IMMP2L: variants seen among roughly 807,000 people sequenced by gnomAD.
The protein encoded by IMMP2L is mitochondrial inner membrane protease subunit 2.
Under a neutral mutation model 19.3 loss-of-function variants are expected in IMMP2L, and 18 were observed. The ratio of observed to expected loss-of-function variants is 0.93; its 90% CI spans 0.64 to 1.38. The LOEUF is 1.38. IMMP2L is among the 40% of genes most tolerant of loss of function. IMMP2L has a pLI of 0.00. For missense variants in IMMP2L, 233 were observed against 218.2 expected (o/e 1.07, Z -0.43); for synonymous variants, 76 against 73.0 (o/e 1.04, Z -0.21).
chr7:111,026,628 A>C (rs1448826084), intron 3 of IMMP2L, among the ~76,000 whole-genome samples: 1 of 152,168 alleles, frequency 6.6e-6, no homozygotes, highest in African/African-American at 2.4e-5. Context: ...GTTCAGAAAA[A>C]CATAAATTAG....
intron 3 of IMMP2L, among the ~76,000 whole-genome samples, chr7:111,390,350 A>T: frequency 6.6e-6 from 1 of 152,078 alleles, no homozygotes; most frequent in East Asian, 1.9e-4. Context: ...TCCTTTCCCC[A>T]GGGATGATCC....
intron 3 of IMMP2L, chr7:111,124,545 T>C (rs1801057556): frequency 6.2e-7 from 1 of 1,613,622 alleles, no homozygotes; most frequent in Non-Finnish European, 8.5e-7. Context: ...AGTATAAAAT[T>C]TGTATTGATA....
At chr7:111,063,276 T>C (rs1648941090) in intron 3 of IMMP2L, among the ~76,000 whole-genome samples, 2 of 152,200 alleles carry the variant, frequency 1.3e-5, no homozygotes, top group African/African-American at 2.4e-5. Context: ...GCCCAAGCTG[T>C]ACCTTGGCCC....
At chr7:110,754,497 C>T (rs185336346) in intron 5 of IMMP2L, among the ~76,000 whole-genome samples, 5 of 152,060 alleles carry the variant, frequency 3.3e-5, no homozygotes, top group Non-Finnish European at 5.9e-5. Flanking sequence ...AATGTCAGTC[C>T]TCTCTTCTCT....
chr7:110,972,397 A>C (rs922276181), intron 3 of IMMP2L, among the ~76,000 whole-genome samples: 2 of 152,112 alleles, frequency 1.3e-5, no homozygotes, highest in Non-Finnish European at 2.9e-5. Context: ...TACTAAAATT[A>C]AATTAAATAT....
chr7:111,325,134 C>A (rs1825174337), intron 3 of IMMP2L, among the ~76,000 whole-genome samples: 1 of 151,468 alleles, frequency 6.6e-6, no homozygotes, highest in Non-Finnish European at 1.5e-5. Context: ...ATAGGTTAAT[C>A]CACAAAAAAG....
chr7:111,521,470 A>G (rs375866996), intron 1 of IMMP2L, 21 bp from the exon 2 acceptor site: 18 of 1,577,918 alleles, frequency 1.1e-5, no homozygotes, highest in Non-Finnish European at 1.5e-5. Context: ...AAAGAAAACA[A>G]CTATGAAATT....
chr7:111,444,834 A>G (rs1325233806), intron 3 of IMMP2L, among the ~76,000 whole-genome samples: 5 of 152,146 alleles, frequency 3.3e-5, no homozygotes, highest in African/African-American at 1.2e-4. Flanking sequence ...TGGAGTAGAT[A>G]TGCCCCTCTA....
chr7:110,720,151 T>C (rs1006197604), intron 5 of IMMP2L, among the ~76,000 whole-genome samples: 5 of 152,050 alleles, frequency 3.3e-5, no homozygotes, highest in Admixed American at 6.6e-5. Context: ...AGAATCACTG[T>C]AAGGGGCCAT....
At chr7:110,931,345 G>C (rs943139044) in intron 4 of IMMP2L, among the ~76,000 whole-genome samples, 3 of 152,170 alleles carry the variant, frequency 2.0e-5, no homozygotes, top group South Asian at 2.1e-4. Flanking sequence ...TCTTCATTGA[G>C]TATAGTGTTC....
chr7:110,931,702 G>A (rs1264094256), intron 4 of IMMP2L, among the ~76,000 whole-genome samples: 1 of 152,062 alleles, frequency 6.6e-6, no homozygotes, highest in Non-Finnish European at 1.5e-5. Flanking sequence ...ATCAAATCAT[G>A]TCACCTGCCT....
intron 5 of IMMP2L, among the ~76,000 whole-genome samples, chr7:110,687,114 C>T (rs1793170692): frequency 6.6e-6 from 1 of 152,058 alleles, no homozygotes. Flanking sequence ...TACAAACAAA[C>T]TGAAATGGTC....
At chr7:110,704,993 A>G (rs984678855) in intron 5 of IMMP2L, among the ~76,000 whole-genome samples, 42 of 152,238 alleles carry the variant, frequency 2.8e-4, no homozygotes, top group African/African-American at 1.0e-3. Flanking sequence ...TATATAACTG[A>G]ATGATAAAAA....
chr7:111,479,071 T>TA (rs1563243526), intron 3 of IMMP2L, among the ~76,000 whole-genome samples: 1 of 152,154 alleles, frequency 6.6e-6, no homozygotes, highest in Non-Finnish European at 1.5e-5. Context: ...ATGAAAAGCT[T>TA]AGAGTGTTTT....
At chr7:111,302,032 C>T (rs1360573764) in intron 3 of IMMP2L, among the ~76,000 whole-genome samples, 1 of 150,968 alleles carries the variant, frequency 6.6e-6, no homozygotes, top group African/African-American at 2.4e-5. Flanking sequence ...ACTAGATTCA[C>T]CAGCCTCTCA....
chr7:111,068,172 T>C (rs947776010), intron 3 of IMMP2L, among the ~76,000 whole-genome samples: 1 of 152,102 alleles, frequency 6.6e-6, no homozygotes, highest in Non-Finnish European at 1.5e-5. Context: ...CATACATACA[T>C]CAAGAGACCA....
chr7:110,989,461 C>A (rs1376827667), intron 3 of IMMP2L, among the ~76,000 whole-genome samples: 2 of 145,364 alleles, frequency 1.4e-5, no homozygotes, highest in Non-Finnish European at 3.0e-5. Context: ...GTGGGAGGAT[C>A]AGGTGAGCCT....
intron 4 of IMMP2L, chr7:110,962,855 T>A: frequency 1.5e-6 from 2 of 1,297,722 alleles, no homozygotes; most frequent in Non-Finnish European, 1.9e-6. Context: ...CCACATTGTA[T>A]AGGCCTGGCT....
intron 3 of IMMP2L, among the ~76,000 whole-genome samples, chr7:111,350,354 T>C (rs1272401870): frequency 7.0e-6 from 1 of 142,600 alleles, no homozygotes; most frequent in Non-Finnish European, 1.5e-5. Flanking sequence ...TATATACATA[T>C]ATATATATAT....
Sources: gnomAD v4.1 joint callset for allele counts (sites outside exome capture counted in the v4.1 genomes callset) on GRCh38, gnomAD v4.1.1 for gene constraint, MANE v1.5 for transcripts, NCBI Gene and HGNC (gene_info 2026-07-23, HGNC 2026-07-21) for gene names.